SBNO1: variants seen among roughly 807,000 people sequenced by gnomAD.
SBNO1 encodes the protein protein strawberry notch homolog 1.
A neutral mutation model predicts 173.6 loss-of-function variants in SBNO1; 23 were observed. That is an observed-to-expected ratio of 0.13 (90% CI 0.10 to 0.19). The LOEUF (loss-of-function observed/expected upper bound fraction) is 0.19. Ranked by LOEUF, SBNO1 falls within the 10% of genes least tolerant of loss-of-function variation. The pLI is 1.00. For missense variants in SBNO1, 1,238 were observed against 1,671.2 expected, an observed-to-expected ratio of 0.74 and a Z score of 4.52; for synonymous variants, 632 against 571.5, an observed-to-expected ratio of 1.11 and a Z score of -1.51.
intron 28 of SBNO1, 73 bp downstream of exon 28, chr12:123,309,237 T>A: frequency 9.2e-7 from 1 of 1,086,978 alleles, no homozygotes. Context: ...AGGTACAAAG[T>A]GAAGAGACAA....
At chr12:123,300,154 T>C (rs1566020512) in intron 30 of SBNO1, among the ~76,000 whole-genome samples, 1 of 152,208 alleles carries the variant, frequency 6.6e-6, no homozygotes. Context: ...TCAAGACGAA[T>C]CTAATACAGT....
intron 7 of SBNO1, among the ~76,000 whole-genome samples, chr12:123,333,770 T>C (rs531840330): frequency 1.0e-3 from 158 of 152,298 alleles, no homozygotes; most frequent in African/African-American, 3.6e-3. Context: ...ACTGTTGGGA[T>C]TGCAGACATG....
chr12:123,364,684 C>A lies in SBNO1; in HGVS notation c.-1+17G>T. ...GGGGGAGTGTGGAAGGAGAAAAGGGCCAAGGGAAGGACTTACTTTCCCCGC... is the reference window on the plus strand; with the variant it reads ...GGGGGAGTGTGGAAGGAGAAAAGGGACAAGGGAAGGACTTACTTTCCCCGC... On this transcript the variant is annotated intron_variant, in intron 1 of 31. Transcript: ENST00000602398. 1 of 980,448 alleles carries A rather than the reference C, an allele frequency of 1.0e-6. No individual in the cohort carries two copies. Among genetic ancestry groups the A allele is most frequent in the Non-Finnish European group, 1.2e-6 (1 of 827,636 alleles). 60.7% of individuals were successfully genotyped at this position (980,448 alleles called of 1,614,324 possible). A position where few individuals can be genotyped will look rare whatever the true frequency, so the allele number is the denominator to read the frequency against.
chr12:123,364,545 C>T (rs1472385078), intron 1 of SBNO1, 156 bp downstream of exon 1: 53 of 983,480 alleles, frequency 5.4e-5, no homozygotes, highest in Non-Finnish European at 5.9e-5. Context: ...CCGGAGCGCG[C>T]GGCCGCGAGG....
intron 24 of SBNO1, among the ~76,000 whole-genome samples, chr12:123,312,604 C>T (rs80028534): frequency 6.6e-6 from 1 of 151,538 alleles, no homozygotes; most frequent in Non-Finnish European, 1.5e-5. Context: ...CCCAGCTACT[C>T]GGGAGGTTCA....
At chr12:123,333,249 T>A (rs12316131) in intron 7 of SBNO1, among the ~76,000 whole-genome samples, 3 of 151,698 alleles carry the variant, frequency 2.0e-5, no homozygotes, top group Non-Finnish European at 4.4e-5. Flanking sequence ...TTTACAGATA[T>A]GGAATATGAC....
chr12:123,337,376 T>C (rs985307290), intron 5 of SBNO1, among the ~76,000 whole-genome samples: 6 of 152,116 alleles, frequency 3.9e-5, no homozygotes, highest in Non-Finnish European at 8.8e-5. Flanking sequence ...CAGGGAAGAA[T>C]ATAAAGAAAC....
At position 123,320,112 on chromosome 12, in the gene SBNO1, T is replaced by G. The variant is rs768602929; in HGVS notation, c.2668-81A>C. 3.3e-6 allele frequency: 5 copies of G among 1,492,548 alleles called. No homozygotes were observed. The Admixed American group carries it at 8.6e-5, about 26-fold the overall frequency. 92.5% of individuals were successfully genotyped at this position (1,492,548 alleles called of 1,614,324 possible). A position where few individuals can be genotyped will look rare whatever the true frequency, so the allele number is the denominator to read the frequency against. On this transcript the variant is annotated intron_variant, in intron 19 of 31. Coordinates refer to ENST00000602398, the MANE Select transcript of SBNO1 (RefSeq NM_001167856.3). ...TCAGTGCCTCTTTCCTTGAAGACACTTGGGAGATAAGAGCACAGGCTGTGC... is the reference window on the plus strand; with the variant it reads ...TCAGTGCCTCTTTCCTTGAAGACACGTGGGAGATAAGAGCACAGGCTGTGC...
Position 123,331,363 on chromosome 12 carries a change from A to G in SBNO1, c.922T>C (p.Phe308Leu). The change falls in exon 8 of 32, where the codon TTC (phenylalanine) becomes CTC (leucine). Residue 308 changes from phenylalanine (F) to leucine (L), a missense_variant. By Grantham distance (22) the Phe-to-Leu change is conservative. Coordinates refer to ENST00000602398, the MANE Select transcript of SBNO1 (RefSeq NM_001167856.3). ...ITYAAQQHET[F>L]LPNGDRAGFL... The stretch of plus-strand genomic sequence containing the variant: ...CCAGCACGATCTCCATTAGGTAGGA[A>G]AGTTTCATGTTGCTGAAAAACAAAA... 6.2e-7 allele frequency: 1 copy of G among 1,613,678 alleles called. No individual in the cohort carries two copies. Among genetic ancestry groups the G allele is most frequent in the Non-Finnish European group, 8.5e-7 (1 of 1,179,840 alleles).
chr12:123,355,622 A>C (rs1874374858), intron 1 of SBNO1, among the ~76,000 whole-genome samples: 1 of 151,826 alleles, frequency 6.6e-6, no homozygotes, highest in Admixed American at 6.6e-5. Flanking sequence ...AATAAAAACA[A>C]ACCTCAAAAA....
chr12:123,350,841 C>T (rs114954845), intron 1 of SBNO1, among the ~76,000 whole-genome samples: 298 of 126,974 alleles, frequency 2.3e-3, no homozygotes, highest in African/African-American at 8.6e-3. Flanking sequence ...ACTTTAAAAA[C>T]TATGGCTGGA....
chr12:123,364,110 C>G, intron 1 of SBNO1: 1 of 985,580 alleles, frequency 1.0e-6, no homozygotes, highest in Non-Finnish European at 1.2e-6. Flanking sequence ...CCTGGAGAGG[C>G]GTGAAGGGAG....
In SBNO1 at chr12:123,302,918, A is replaced by G; in HGVS notation, c.3769-18T>C. 1 of 1,580,182 alleles carries G rather than the reference A, an allele frequency of 6.3e-7. No homozygotes were observed. The highest frequency in any genetic ancestry group is 8.7e-7 in the Non-Finnish European group (1 of 1,149,434). Reference sequence around the variant, plus strand: ...GAGACGACCTGTAAAAATGAGAAGAATTTCATTGAAAACAGTATTGCTTTA... The same window carrying G: ...GAGACGACCTGTAAAAATGAGAAGAGTTTCATTGAAAACAGTATTGCTTTA... On this transcript the variant is annotated intron_variant, in intron 29 of 31. Coordinates refer to ENST00000602398, the MANE Select transcript of SBNO1 (RefSeq NM_001167856.3).
intron 5 of SBNO1, among the ~76,000 whole-genome samples, chr12:123,337,995 G>A (rs1467788351): frequency 6.6e-6 from 1 of 152,126 alleles, no homozygotes; most frequent in Non-Finnish European, 1.5e-5. Context: ...ATACCTTGAA[G>A]CCAGGTGCAT....
chr12:123,305,599 G>A (rs1470162780), intron 28 of SBNO1, among the ~76,000 whole-genome samples: 1 of 151,884 alleles, frequency 6.6e-6, no homozygotes, highest in Non-Finnish European at 1.5e-5. Flanking sequence ...TCAGCCTCCC[G>A]AGTAGCTGGG....
In SBNO1 at chr12:123,295,797, G is replaced by C; in HGVS notation, c.*111C>G. ...CTTACTCCCAAAAAAACTAACTAGA[G>C]AGCACAACTGAAAAAAATATATAAT... is the stretch of plus-strand genomic sequence containing the variant. On this transcript the variant is annotated 3_prime_UTR_variant, in exon 32 of 32. Coordinates refer to ENST00000602398, the MANE Select transcript of SBNO1 (RefSeq NM_001167856.3). 1 of 1,427,566 alleles carries C rather than the reference G, an allele frequency of 7.0e-7. No individual in the cohort carries two copies. The highest frequency in any genetic ancestry group is 2.2e-5 in the Admixed American group (1 of 46,334). The allele number at this position is 1,427,566 out of a possible 1,614,324, so 88.4% of individuals were successfully genotyped here.
chr12:123,307,717 A>C (rs2048954313), intron 28 of SBNO1, among the ~76,000 whole-genome samples: 1 of 152,114 alleles, frequency 6.6e-6, no homozygotes. Flanking sequence ...CTTGAGGCCA[A>C]GAGTTTCAAA....
intron 24 of SBNO1, among the ~76,000 whole-genome samples, chr12:123,313,278 A>T (rs562870204): frequency 6.7e-6 from 1 of 149,378 alleles, no homozygotes; most frequent in East Asian, 1.9e-4. Flanking sequence ...ACTCGGTCTT[A>T]AAAAAAATAA....
chr12:123,356,429 AGTCTTTGG>A (rs576672486), intron 1 of SBNO1, among the ~76,000 whole-genome samples: 9 of 152,210 alleles, frequency 5.9e-5, no homozygotes, highest in African/African-American at 1.9e-4. Context: ...CTTTCATACT[AGTCTTTGG>A]GTTTGTTTGT....
Sources: allele counts gnomAD v4.1 joint callset (sites outside exome capture counted in the v4.1 genomes callset), GRCh38; gene constraint gnomAD v4.1.1; transcripts MANE v1.5; gene names NCBI Gene and HGNC (gene_info 2026-07-23, HGNC 2026-07-21).